The following TCF20 variants were observed in gnomAD, a reference collection of about 807,000 sequenced individuals.
TCF20 encodes the protein transcription factor 20.
A neutral mutation model predicts 148.6 loss-of-function variants in TCF20; 3 were observed. The observed-to-expected ratio is 0.02, with a 90% CI of 0.01 to 0.05. The LOEUF is 0.05. Ranked by LOEUF, TCF20 falls within the 10% of genes least tolerant of loss-of-function variation. TCF20 has a pLI of 1.00. For missense variants in TCF20, 2,350 were observed against 2,429.3 expected (o/e 0.97, Z 0.69); for synonymous variants, 1,049 against 909.5 (o/e 1.15, Z -2.76).
At chr22:42,196,488 G>A (rs900155863) in intron 2 of TCF20, among the ~76,000 whole-genome samples, 1 of 152,092 alleles carries the variant, frequency 6.6e-6, no homozygotes, top group Non-Finnish European at 1.5e-5. Context: ...CAAGCAAACA[G>A]AATAATTTGG....
intron 2 of TCF20, among the ~76,000 whole-genome samples, chr22:42,191,293 TTTA>T (rs1173542352): frequency 8.5e-5 from 13 of 152,182 alleles, no homozygotes; most frequent in African/African-American, 3.1e-4. Flanking sequence ...CAGTTTGCAT[TTTA>T]TTATTATTTT....
rs1928102407 is a variant in TCF20, at chr22:42,338,358, G to A, written c.-37+5121C>T. Among the ~76,000 whole-genome samples the A allele has an allele frequency of 6.6e-6, 1 of 152,238 alleles. No homozygotes were observed. Among genetic ancestry groups the A allele is most frequent in the Non-Finnish European group, 1.5e-5 (1 of 68,042 alleles). ...TAACCATCACCCCTGGCAGGCAGCA[G>A]ATCTGCATTTTCACGGAGGCCTCAG... On this transcript the variant is annotated intron_variant, in intron 1 of 1. Coordinates refer to the TCF20 transcript ENST00000515426. This position sits in a 1 kb window ranked among gnomAD's most constrained non-coding sequence, Gnocchi z 4.0.
intron 1 of TCF20, among the ~76,000 whole-genome samples, chr22:42,313,796 C>T (rs929059930): frequency 2.0e-5 from 3 of 152,058 alleles, no homozygotes; most frequent in South Asian, 2.1e-4. Flanking sequence ...GACAGGGTTT[C>T]GCCAAGCTGG....
intron 1 of TCF20, among the ~76,000 whole-genome samples, chr22:42,262,678 T>C (rs1286402442): frequency 2.0e-5 from 3 of 151,682 alleles, no homozygotes; most frequent in African/African-American, 4.9e-5. Context: ...AGAATGCCAA[T>C]GGTCAAGCAT....
chr22:42,176,381 G>GC (rs1409528758), intron 3 of TCF20, among the ~76,000 whole-genome samples: 5 of 152,194 alleles, frequency 3.3e-5, no homozygotes, highest in Admixed American at 6.5e-5. Context: ...GGAAGGAAGG[G>GC]GGGGGCAGGA....
chr22:42,267,181 C>T (rs748613253), intron 1 of TCF20, among the ~76,000 whole-genome samples: 7 of 151,990 alleles, frequency 4.6e-5, no homozygotes, highest in Non-Finnish European at 1.0e-4. Flanking sequence ...GCAGGAGACT[C>T]GCTTGAACCC....
upstream of TCF20, among the ~76,000 whole-genome samples, chr22:42,272,470 C>G (rs1926659598): frequency 6.6e-6 from 1 of 152,222 alleles, no homozygotes; most frequent in African/African-American, 2.4e-5. Context: ...TTCTTCATAA[C>G]CTCACTTGCG....
At chr22:42,320,022 T>C (rs1455745863) in intron 1 of TCF20, among the ~76,000 whole-genome samples, 1 of 152,028 alleles carries the variant, frequency 6.6e-6, no homozygotes, top group Admixed American at 6.5e-5. Context: ...TTTTCCATCT[T>C]CCCTCCATTC....
At chr22:42,331,900 T>C (rs971371838) in intron 1 of TCF20, among the ~76,000 whole-genome samples, 7 of 152,194 alleles carry the variant, frequency 4.6e-5, no homozygotes, top group African/African-American at 1.7e-4. Flanking sequence ...CGGAATGTAG[T>C]GGAAAGAGTA....
Position 42,210,082 on chromosome 22 carries a change from C to T in TCF20, c.5224G>A (p.Ala1742Thr). The T allele has an allele frequency of 1.2e-6, 2 of 1,613,822 alleles. No individual in the cohort carries two copies. Among genetic ancestry groups the T allele is most frequent in the Non-Finnish European group, 8.5e-7 (1 of 1,180,022 alleles). ...TTAACTTTGCTCTGCATTTCTGTGG[C>T]CCTCTTAGGAGGTGGATTCTTCGGG... ...TLPKNPPPKR[A>T]TEMQSKVKVR... Residue 1742 changes from alanine to threonine, a missense_variant, in exon 2 of 6, where the codon GCC (alanine) becomes ACC (threonine). By Grantham distance (58) the Ala-to-Thr change is moderately conservative (BLOSUM62 0). Coordinates refer to ENST00000677622, the MANE Select transcript of TCF20 (RefSeq NM_001378418.1). This position sits in a 1 kb window ranked among gnomAD's most constrained non-coding sequence, Gnocchi z 4.7.
intron 1 of TCF20, among the ~76,000 whole-genome samples, chr22:42,237,114 T>C (rs1347546441): frequency 3.9e-5 from 6 of 152,164 alleles, no homozygotes; most frequent in East Asian, 3.8e-4. Context: ...GATTTTTCTA[T>C]AGCATGCCAA....
intron 1 of TCF20, among the ~76,000 whole-genome samples, chr22:42,304,771 C>G (rs1183503628): frequency 2.0e-5 from 3 of 152,026 alleles, no homozygotes; most frequent in Non-Finnish European, 4.4e-5. Flanking sequence ...CTCCTCCATA[C>G]TGAAGTGCTA....
At chr22:42,239,358 C>T (rs930928197) in intron 1 of TCF20, among the ~76,000 whole-genome samples, 2 of 152,006 alleles carry the variant, frequency 1.3e-5, no homozygotes, top group Non-Finnish European at 2.9e-5. Context: ...TGCCTGTAAT[C>T]CCAGCTACTC....
chr22:42,283,394 G>C (rs1464915506), intron 1 of TCF20, among the ~76,000 whole-genome samples: 1 of 151,736 alleles, frequency 6.6e-6, no homozygotes, highest in Non-Finnish European at 1.5e-5. Flanking sequence ...GGAGGGGACG[G>C]GGGCGCGGCT....
upstream of TCF20, among the ~76,000 whole-genome samples, chr22:42,288,825 C>G (rs1012518580): frequency 8.6e-5 from 13 of 150,290 alleles, no homozygotes; most frequent in Non-Finnish European, 1.6e-4. Flanking sequence ...CGTTGCCATT[C>G]TACAGATAAG....
chr22:42,266,893 G>C (rs1926315845), intron 1 of TCF20, among the ~76,000 whole-genome samples: 2 of 152,236 alleles, frequency 1.3e-5, no homozygotes, highest in Non-Finnish European at 2.9e-5. Flanking sequence ...AAATTACTTT[G>C]TAGAATGAAA....
intron 1 of TCF20, among the ~76,000 whole-genome samples, chr22:42,307,222 T>C (rs987329311): frequency 5.9e-5 from 9 of 152,060 alleles, no homozygotes; most frequent in Admixed American, 5.9e-4. Flanking sequence ...TGACCAGCAG[T>C]GCACAGTGGT....
At position 42,168,133 on chromosome 22, in the gene TCF20, G is replaced by GA. The variant is rs530963867; in HGVS notation, c.*44+475dup. 4.0e-4 allele frequency among the ~76,000 whole-genome samples: 60 copies of GA among 151,612 alleles called. 1 individual carries two copies. In the East Asian group the frequency reaches 4.6e-3, roughly 12 times the overall value. On this transcript the variant is annotated intron_variant, in intron 5 of 5. Transcript: ENST00000677622. ...CAAAAAGGAATCCTTCATAATACTG[G>GA]AAAAAAAAGATTTCTAATAACAAAA...
intron 2 of TCF20, among the ~76,000 whole-genome samples, chr22:42,201,566 G>C (rs1193125893): frequency 6.6e-6 from 1 of 152,104 alleles, no homozygotes; most frequent in African/African-American, 2.4e-5. Flanking sequence ...TCAGGAGTTC[G>C]AGATCAGCCT....
Sources: gnomAD v4.1 joint callset for allele counts (sites outside exome capture counted in the v4.1 genomes callset) on GRCh38, gnomAD v4.1.1 for gene constraint, Gnocchi (gnomAD v3.1) non-coding constraint, MANE v1.5 for transcripts, NCBI Gene and HGNC (gene_info 2026-07-23, HGNC 2026-07-21) for gene names.